DCC: variants seen among roughly 807,000 people sequenced by gnomAD.
The protein encoded by DCC is DCC netrin 1 receptor.
A neutral mutation model predicts 172.5 loss-of-function variants in DCC; 58 were observed. That is an observed-to-expected ratio of 0.34 (90% CI 0.27 to 0.42). The LOEUF is 0.42. DCC is among the 10% of genes least tolerant of loss of function. DCC has a pLI of 1.00. For synonymous variants in DCC, 709 were observed against 644.5 expected, an observed-to-expected ratio of 1.10 and a Z score of -1.52; for missense variants, 1,740 against 1,791.0, an observed-to-expected ratio of 0.97 and a Z score of 0.51.
intron 15 of DCC, among the ~76,000 whole-genome samples, chr18:53,348,954 T>C (rs550276383): frequency 3.3e-4 from 51 of 152,242 alleles, no homozygotes; most frequent in South Asian, 3.3e-3. Context: ...TTCTCCATTG[T>C]GTTGGTGATT....
intron 9 of DCC, among the ~76,000 whole-genome samples, chr18:53,188,722 A>G (rs1019283262): frequency 1.3e-5 from 2 of 152,198 alleles, no homozygotes; most frequent in Admixed American, 6.5e-5. Context: ...GAAGTCCGAA[A>G]TCGAGGTGTC....
chr18:53,036,474 C>T lies in DCC; in HGVS notation c.986-26831C>T, dbSNP rs144446778. Among the ~76,000 whole-genome samples the T allele has an allele frequency of 9.9e-4, 150 of 152,080 alleles. 1 individual carries two copies. In the East Asian group the frequency reaches 0.027, roughly 27 times the overall value. ...TTCACCTCTTGTTTATGAGCCACAC[C>T]TATGTATATCTGATTTTGCAACTTT... On this transcript the variant is annotated intron_variant, in intron 5 of 28. Coordinates refer to ENST00000442544, the MANE Select transcript of DCC (RefSeq NM_005215.4).
At chr18:52,776,958 T>G (rs949486635) in intron 2 of DCC, among the ~76,000 whole-genome samples, 5 of 152,212 alleles carry the variant, frequency 3.3e-5, no homozygotes, top group African/African-American at 1.2e-4. Context: ...GGTCCTTGAC[T>G]AGCAATAGGT....
At chr18:52,734,398 G>C (rs956448190) in intron 1 of DCC, among the ~76,000 whole-genome samples, 5 of 152,078 alleles carry the variant, frequency 3.3e-5, no homozygotes, top group Non-Finnish European at 7.4e-5. Flanking sequence ...ACGTTTTTTT[G>C]TTAAATTATA....
intron 2 of DCC, among the ~76,000 whole-genome samples, chr18:52,894,746 C>A (rs1269019188): frequency 6.6e-6 from 1 of 151,982 alleles, no homozygotes; most frequent in Non-Finnish European, 1.5e-5. Context: ...GACTAATGTC[C>A]CAGCTCAAGC....
At chr18:52,822,878 A>G (rs747649590) in intron 2 of DCC, among the ~76,000 whole-genome samples, 1 of 152,238 alleles carries the variant, frequency 6.6e-6, no homozygotes, top group Non-Finnish European at 1.5e-5. Context: ...TTGTTTTAGC[A>G]TTAATGGACC....
At chr18:53,099,067 A>C (rs2144209728) in intron 7 of DCC, among the ~76,000 whole-genome samples, 1 of 152,238 alleles carries the variant, frequency 6.6e-6, no homozygotes, top group Middle Eastern at 3.4e-3. Flanking sequence ...TTTGATGCAG[A>C]ATAACGGCCT....
intron 13 of DCC, among the ~76,000 whole-genome samples, chr18:53,312,153 C>CAAAAAAAAAAAAAAAAAAA (rs895203731): frequency 3.7e-5 from 1 of 26,734 alleles, no homozygotes; most frequent in Non-Finnish European, 6.7e-5. Context: ...GCTAAAAATA[C>CAAAAAAAAAAAAAAAAAAA]AAAAAAAAAA....
intron 1 of DCC, among the ~76,000 whole-genome samples, chr18:52,642,593 T>TTTG (rs1450028807): frequency 1.3e-5 from 2 of 152,176 alleles, no homozygotes; most frequent in Non-Finnish European, 2.9e-5. Context: ...GGAAATATTT[T>TTTG]TTGCTCATGA....
intron 15 of DCC, among the ~76,000 whole-genome samples, chr18:53,385,415 T>A (rs1211410439): frequency 6.6e-6 from 1 of 152,202 alleles, no homozygotes; most frequent in South Asian, 2.1e-4. Context: ...CTATGGCAGC[T>A]TGCTTTCTGA....
intron 14 of DCC, among the ~76,000 whole-genome samples, chr18:53,325,062 G>A (rs2057452058): frequency 6.6e-6 from 1 of 151,864 alleles, no homozygotes; most frequent in African/African-American, 2.4e-5. Flanking sequence ...GCGTGGTGGT[G>A]CATACCTGTA....
chr18:52,880,433 G>C (rs2039467488), intron 2 of DCC, among the ~76,000 whole-genome samples: 1 of 152,138 alleles, frequency 6.6e-6, no homozygotes, highest in Non-Finnish European at 1.5e-5. Context: ...ACAGGCGTTA[G>C]CCACCTTGCC....
chr18:52,955,909 G>A (rs918087604), intron 5 of DCC, among the ~76,000 whole-genome samples: 2 of 151,578 alleles, frequency 1.3e-5, no homozygotes, highest in African/African-American at 4.8e-5. Flanking sequence ...TAAAAATCAG[G>A]TTGCTTGTTA....
intron 1 of DCC, among the ~76,000 whole-genome samples, chr18:52,608,339 C>T (rs180930779): frequency 6.6e-6 from 1 of 152,102 alleles, no homozygotes; most frequent in African/African-American, 2.4e-5. Flanking sequence ...TACATATAAA[C>T]AATAGATGCT....
At chr18:53,329,129 AT>A (rs2057502919) in intron 14 of DCC, among the ~76,000 whole-genome samples, 1 of 152,196 alleles carries the variant, frequency 6.6e-6, no homozygotes, top group African/African-American at 2.4e-5. Context: ...TTTTAAAAAA[AT>A]ATTATAGGAA....
chr18:53,253,546 C>A (rs530307714), intron 12 of DCC, among the ~76,000 whole-genome samples: 2 of 152,126 alleles, frequency 1.3e-5, no homozygotes, highest in Non-Finnish European at 2.9e-5. Flanking sequence ...AATGTATAGA[C>A]CAGTTTGGTC....
At chr18:53,038,424 C>A (rs1480364176) in intron 5 of DCC, among the ~76,000 whole-genome samples, 1 of 151,926 alleles carries the variant, frequency 6.6e-6, no homozygotes, top group Non-Finnish European at 1.5e-5. Context: ...AACCTACTTA[C>A]CTCACAAAAG....
At chr18:53,446,288 A>T (rs1272461266) in intron 22 of DCC, among the ~76,000 whole-genome samples, 1 of 152,022 alleles carries the variant, frequency 6.6e-6, no homozygotes, top group Non-Finnish European at 1.5e-5. Context: ...CCTGTTTCTA[A>T]AAAAGGAAAA....
At chr18:52,805,319 G>T (rs1285701011) in intron 2 of DCC, among the ~76,000 whole-genome samples, 1 of 152,178 alleles carries the variant, frequency 6.6e-6, no homozygotes, top group East Asian at 1.9e-4. Context: ...TAGGAACTTT[G>T]TCAGAATATC....
Sources: gnomAD v4.1 joint callset for allele counts (sites outside exome capture counted in the v4.1 genomes callset) on GRCh38, gnomAD v4.1.1 for gene constraint, MANE v1.5 for transcripts, NCBI Gene and HGNC (gene_info 2026-07-23, HGNC 2026-07-21) for gene names.